The following KCNQ1 variants were observed in gnomAD, a reference collection of about 807,000 sequenced individuals.
The protein encoded by KCNQ1 is potassium voltage-gated channel subfamily KQT member 1.
In KCNQ1, 49 loss-of-function variants were observed where a neutral mutation model predicts 72.4. That is an observed-to-expected ratio of 0.68 (90% CI 0.54 to 0.86). KCNQ1 has a LOEUF of 0.86. Ranked by LOEUF, KCNQ1 falls within the 40% of genes least tolerant of loss-of-function variation. The pLI, the probability that KCNQ1 is intolerant of heterozygous loss-of-function variation, is 0.00. For synonymous variants in KCNQ1, 450 were observed against 412.6 expected, an observed-to-expected ratio of 1.09 and a Z score of -1.10; for missense variants, 790 against 945.1, an observed-to-expected ratio of 0.84 and a Z score of 2.15.
intron 2 of KCNQ1, among the ~76,000 whole-genome samples, chr11:2,542,064 C>T (rs1008023405): frequency 9.2e-5 from 14 of 152,230 alleles, no homozygotes; most frequent in African/African-American, 3.4e-4. Context: ...GACTCCCAGA[C>T]CTTGCTGGGG....
chr11:2,640,597 A>T (rs1849558382), intron 10 of KCNQ1: 1 of 393,822 alleles, frequency 2.5e-6, no homozygotes, highest in Non-Finnish European at 4.4e-6. Flanking sequence ...CATAATACTT[A>T]TGGGGTACAT....
At chr11:2,791,739 G>A (rs1350768128) in intron 15 of KCNQ1, among the ~76,000 whole-genome samples, 1 of 152,000 alleles carries the variant, frequency 6.6e-6, no homozygotes, top group Non-Finnish European at 1.5e-5. Context: ...TCGGGTTCTG[G>A]CCCCAGGTCA....
chr11:2,693,620 G>C, intron 11 of KCNQ1: 1 of 398,606 alleles, frequency 2.5e-6, no homozygotes, highest in Non-Finnish European at 4.4e-6. Flanking sequence ...CAAGAGCTTC[G>C]CCCAGCCGTA....
chr11:2,786,949 G>GTTTTTTTTTTTTTTTTT (rs5789272), intron 15 of KCNQ1, among the ~76,000 whole-genome samples: 3 of 120,336 alleles, frequency 2.5e-5, no homozygotes, highest in Non-Finnish European at 3.4e-5. Flanking sequence ...TTTCGTTTCT[G>GTTTTTTTTTTTTTTTTT]TTTTTTTTTT....
intron 1 of KCNQ1, among the ~76,000 whole-genome samples, chr11:2,506,421 T>G (rs911595686): frequency 6.6e-6 from 1 of 152,212 alleles, no homozygotes; most frequent in Non-Finnish European, 1.5e-5. Context: ...TACTTTATGG[T>G]TGGATGTGCC....
intron 5 of KCNQ1, among the ~76,000 whole-genome samples, chr11:2,572,586 AATCAGTGGAGCCC>A (rs1848353519): frequency 6.6e-6 from 1 of 152,210 alleles, no homozygotes. Flanking sequence ...AGAGCTGGGC[AATCAGTGGAGCCC>A]GCGCCGGCCC....
rs1848172088 is a variant in KCNQ1, at chr11:2,840,055, T to C, written c.1795-7712T>C. 4 of 152,200 alleles carry C rather than the reference T, an allele frequency of 2.6e-5. No individual in the cohort carries two copies. In the South Asian group the frequency reaches 8.3e-4, roughly 32 times the overall value. The allele number at this position is 152,200 out of a possible 1,614,324, so 9.4% of individuals were successfully genotyped here. On this transcript the variant is annotated intron_variant, in intron 15 of 15. Coordinates refer to ENST00000155840, the MANE Select transcript of KCNQ1 (RefSeq NM_000218.3). The stretch of plus-strand genomic sequence containing the variant: ...CCCGAACTGCCCAGTCAAAAACCCA[T>C]GTATAACTTTTGACTCCCCAGAAAC...
At chr11:2,649,018 TTG>T (rs1849716192) in intron 10 of KCNQ1, 3 of 396,134 alleles carry the variant, frequency 7.6e-6, no homozygotes, top group Non-Finnish European at 1.3e-5. Context: ...TCAGTATTTT[TTG>T]TCTGTCTACT....
rs1333576355 is a variant in KCNQ1 at position 2,602,952 on chromosome 11, C to T, written c.1393+14098C>T. Among the ~76,000 whole-genome samples, 3 of 152,174 alleles carry T rather than the reference C, an allele frequency of 2.0e-5. No homozygotes were observed. Among genetic ancestry groups the T allele is most frequent in the Non-Finnish European group, 2.9e-5 (2 of 68,036 alleles). ...CAATGTTTCCTTTTTATGGATTACA[C>T]TTCTGATGTCAGGTCTAAGAAGTCT... On this transcript the variant is annotated intron_variant, in intron 10 of 15. Coordinates refer to ENST00000155840, the MANE Select transcript of KCNQ1 (RefSeq NM_000218.3). The surrounding 1 kb of genome is among the most constrained non-coding windows in gnomAD (Gnocchi z 4.8).
chr11:2,694,455 C>T (rs984939964), intron 11 of KCNQ1: 11 of 398,518 alleles, frequency 2.8e-5, no homozygotes, highest in South Asian at 2.5e-4. Flanking sequence ...TAAATGACAG[C>T]CCCTCACAAC....
intron 15 of KCNQ1, among the ~76,000 whole-genome samples, chr11:2,788,393 T>C (rs1846953184): frequency 6.6e-6 from 1 of 152,204 alleles, no homozygotes; most frequent in Non-Finnish European, 1.5e-5. Flanking sequence ...GAGAAGTGTG[T>C]GTCGGTGCAG....
Position 2,664,825 on chromosome 11 carries a change from T to C in KCNQ1, c.1514+2744T>C, listed in dbSNP as rs1020816421. 1.3e-5 allele frequency: 5 copies of C among 398,658 alleles called. No homozygotes were observed. In the East Asian group the frequency reaches 1.8e-4, roughly 14 times the overall value. The allele number at this position is 398,658 out of a possible 1,614,324, so 24.7% of individuals were successfully genotyped here. ...TTTCCATTTTTCTTCAGCATTCTAC[T>C]GATGTTAAATGTATTACCATGCTGG... is the stretch of plus-strand genomic sequence containing the variant. On this transcript the variant is annotated intron_variant, in intron 11 of 15. Coordinates refer to ENST00000155840, the MANE Select transcript of KCNQ1 (RefSeq NM_000218.3). This position sits in a 1 kb window ranked among gnomAD's most constrained non-coding sequence, Gnocchi z 5.1.
chr11:2,470,814 G>A (rs1846439414), intron 1 of KCNQ1, among the ~76,000 whole-genome samples: 1 of 151,968 alleles, frequency 6.6e-6, no homozygotes, highest in African/African-American at 2.4e-5. Context: ...TCTTAATAGT[G>A]CCCTTTTAGA....
At chr11:2,789,490 C>T (rs781706633) in intron 15 of KCNQ1, among the ~76,000 whole-genome samples, 12 of 152,244 alleles carry the variant, frequency 7.9e-5, no homozygotes, top group African/African-American at 1.2e-4. Flanking sequence ...CCGCCACAGA[C>T]GAGCTTTTGC....
intron 10 of KCNQ1, chr11:2,629,198 G>A: frequency 2.5e-6 from 1 of 398,048 alleles, no homozygotes; most frequent in Non-Finnish European, 4.4e-6. Flanking sequence ...AGCTATTTCG[G>A]CAATATTTAT....
At chr11:2,680,471 ATTT>A in intron 11 of KCNQ1, 1 of 397,664 alleles carries the variant, frequency 2.5e-6, no homozygotes, top group Non-Finnish European at 4.4e-6. Flanking sequence ...AGGACTACTG[ATTT>A]TTTTTTAATT....
At chr11:2,788,222 C>G (rs1382844068) in intron 15 of KCNQ1, among the ~76,000 whole-genome samples, 1 of 152,116 alleles carries the variant, frequency 6.6e-6, no homozygotes, top group Non-Finnish European at 1.5e-5. Context: ...CAGCATCCTC[C>G]CCAAGTTCCC....
Position 2,647,645 on chromosome 11 carries a change from G to A in KCNQ1, c.1394-14316G>A, listed in dbSNP as rs1322943848. ...GCAATCCTGAGGTTTTCTTTACTGG[G>A]AGACTTTATTACTGATACAATCTCA... On this transcript the variant is annotated intron_variant, in intron 10 of 15. Transcript: ENST00000155840. This position sits in a 1 kb window ranked among gnomAD's most constrained non-coding sequence, Gnocchi z 4.0. 2.5e-6 allele frequency: 1 copy of A among 398,430 alleles called. No homozygotes were observed. Among genetic ancestry groups the A allele is most frequent in the East Asian group, 3.6e-5 (1 of 28,076 alleles). 24.7% of individuals were successfully genotyped at this position (398,430 alleles called of 1,614,324 possible).
chr11:2,809,867 G>A lies in KCNQ1; in HGVS notation c.1794+31830G>A, dbSNP rs747822417. Among the ~76,000 whole-genome samples the A allele has an allele frequency of 6.6e-6, 1 of 151,564 alleles. No individual in the cohort carries two copies. Among genetic ancestry groups the A allele is most frequent in the Non-Finnish European group, 1.5e-5 (1 of 67,922 alleles). ...AATTCTGCAACTGACCTTTTTTCTG[G>A]CCATCCTAGATTGGGTTTACTGTTC... On this transcript the variant is annotated intron_variant, in intron 15 of 15. Coordinates refer to ENST00000155840, the MANE Select transcript of KCNQ1 (RefSeq NM_000218.3). The surrounding 1 kb of genome is among the most constrained non-coding windows in gnomAD (Gnocchi z 7.1).
Sources: allele counts gnomAD v4.1 joint callset (sites outside exome capture counted in the v4.1 genomes callset), GRCh38; gene constraint gnomAD v4.1.1; non-coding constraint Gnocchi (gnomAD v3.1); transcripts MANE v1.5; gene names NCBI Gene and HGNC (gene_info 2026-07-23, HGNC 2026-07-21).